HCRTR2: variants seen among roughly 807,000 people sequenced by gnomAD.
HCRTR2 encodes the protein orexin receptor type 2.
A neutral mutation model predicts 49.0 loss-of-function variants in HCRTR2; 22 were observed. That is an observed-to-expected ratio of 0.45 (90% CI 0.32 to 0.64). The LOEUF is 0.64. Ranked by LOEUF, HCRTR2 falls within the 30% of genes least tolerant of loss-of-function variation. HCRTR2 has a pLI of 0.04. For synonymous variants in HCRTR2, 236 were observed against 205.3 expected (o/e 1.15, Z -1.28); for missense variants, 491 against 559.4 (o/e 0.88, Z 1.23).
chr6:55,142,500 C>A (rs1047598858), intron 1 of HCRTR2, among the ~76,000 whole-genome samples: 3 of 151,884 alleles, frequency 2.0e-5, no homozygotes, highest in African/African-American at 7.3e-5. Flanking sequence ...AGCCACCGGG[C>A]CCGGCCTCAA....
chr6:55,139,592 G>A (rs1300159153), intron 1 of HCRTR2, among the ~76,000 whole-genome samples: 2 of 152,188 alleles, frequency 1.3e-5, no homozygotes, highest in Non-Finnish European at 2.9e-5. Flanking sequence ...AGTAAAATAT[G>A]ATAGTTATGC....
intron 1 of HCRTR2, among the ~76,000 whole-genome samples, chr6:55,181,264 T>C (rs1290022534): frequency 6.6e-6 from 1 of 152,194 alleles, no homozygotes; most frequent in Non-Finnish European, 1.5e-5. Flanking sequence ...ACATGACCCA[T>C]ATGACCAGTC....
At chr6:55,192,302 C>T (rs913067141) in intron 1 of HCRTR2, among the ~76,000 whole-genome samples, 3 of 151,980 alleles carry the variant, frequency 2.0e-5, no homozygotes, top group Non-Finnish European at 4.4e-5. Flanking sequence ...ATCTGTAATC[C>T]CAGTACTTTG....
At chr6:55,138,161 T>TA (rs112605089) in intron 1 of HCRTR2, among the ~76,000 whole-genome samples, 20 of 152,026 alleles carry the variant, frequency 1.3e-4, no homozygotes, top group Middle Eastern at 3.4e-3. Flanking sequence ...AAAAATAAAT[T>TA]AAAAAAAAGA....
chr6:55,203,991 C>T (rs1765556627), intron 1 of HCRTR2, among the ~76,000 whole-genome samples: 1 of 152,162 alleles, frequency 6.6e-6, no homozygotes, highest in Admixed American at 6.5e-5. Context: ...AAAATTGTCT[C>T]TAAGGGTGTA....
chr6:55,186,658 C>A (rs1439832013), intron 1 of HCRTR2, among the ~76,000 whole-genome samples: 1 of 152,188 alleles, frequency 6.6e-6, no homozygotes, highest in Non-Finnish European at 1.5e-5. Flanking sequence ...CTCTTAAACT[C>A]TTTTTGTTTC....
intron 1 of HCRTR2, among the ~76,000 whole-genome samples, chr6:55,109,215 A>G (rs927858563): frequency 6.6e-6 from 1 of 152,110 alleles, no homozygotes; most frequent in Non-Finnish European, 1.5e-5. Context: ...TCAAATAAAC[A>G]CATATTGGAC....
chr6:55,225,097 A>G (rs2127297500), intron 1 of HCRTR2, among the ~76,000 whole-genome samples: 1 of 152,328 alleles, frequency 6.6e-6, no homozygotes, highest in South Asian at 2.1e-4. Flanking sequence ...CTTTTAAAAC[A>G]TCATGTTGTA....
intron 1 of HCRTR2, among the ~76,000 whole-genome samples, chr6:55,196,492 T>C (rs528963005): frequency 6.6e-6 from 1 of 152,278 alleles, no homozygotes; most frequent in East Asian, 1.9e-4. Flanking sequence ...ACAAATCATC[T>C]ATGGCACGAG....
chr6:55,175,977 G>A (rs920581018), intron 1 of HCRTR2, among the ~76,000 whole-genome samples: 1 of 140,012 alleles, frequency 7.1e-6, no homozygotes, highest in African/African-American at 3.0e-5. Context: ...TATAAAAGAA[G>A]AAGAAGGTGA....
intron 1 of HCRTR2, among the ~76,000 whole-genome samples, chr6:55,128,506 T>C (rs115114903): frequency 0.033 from 4,953 of 152,306 alleles, 109 homozygotes; most frequent in Non-Finnish European, 0.045. Flanking sequence ...TATAAATTGC[T>C]TAGGGCAGTA....
intron 1 of HCRTR2, among the ~76,000 whole-genome samples, chr6:55,145,622 A>G (rs1278677547): frequency 1.3e-5 from 2 of 151,856 alleles, no homozygotes; most frequent in Non-Finnish European, 2.9e-5. Flanking sequence ...TCACCGTGTT[A>G]GCCAGGATGG....
chr6:55,113,012 A>G (rs1764070588), intron 1 of HCRTR2, among the ~76,000 whole-genome samples: 1 of 152,024 alleles, frequency 6.6e-6, no homozygotes, highest in African/African-American at 2.4e-5. Context: ...AAAGCAAACA[A>G]AAACATAAAA....
chr6:55,257,284 A>C (rs923455062), intron 3 of HCRTR2, among the ~76,000 whole-genome samples: 2 of 152,164 alleles, frequency 1.3e-5, no homozygotes, highest in South Asian at 4.1e-4. Context: ...ATCCTGTATT[A>C]AACTCGAGAC....
intron 1 of HCRTR2, among the ~76,000 whole-genome samples, chr6:55,112,442 A>T (rs1581778059): frequency 1.3e-5 from 2 of 151,862 alleles, no homozygotes. Context: ...TGAATTCAGT[A>T]AAGTTTCAGG....
At chr6:55,143,778 T>C (rs578056028) in intron 1 of HCRTR2, among the ~76,000 whole-genome samples, 2 of 152,302 alleles carry the variant, frequency 1.3e-5, no homozygotes, top group Admixed American at 6.5e-5. Flanking sequence ...TAGCACCATG[T>C]TCAGGATCAC....
chr6:55,282,129 G>C (rs1370755392), intron 6 of HCRTR2, 96 bp from the exon 7 acceptor site: 1 of 849,846 alleles, frequency 1.2e-6, no homozygotes, highest in African/African-American at 1.7e-5. Context: ...CTCATTGTTA[G>C]TTTGGCTCAA....
intron 1 of HCRTR2, among the ~76,000 whole-genome samples, chr6:55,114,362 T>C (rs80023132): frequency 0.033 from 5,025 of 151,876 alleles, 282 homozygotes; most frequent in African/African-American, 0.11. Flanking sequence ...AACAACTACC[T>C]ATGTGAGCTA....
At chr6:55,258,364 T>G (rs1179932830) in intron 3 of HCRTR2, among the ~76,000 whole-genome samples, 1 of 152,172 alleles carries the variant, frequency 6.6e-6, no homozygotes, top group Non-Finnish European at 1.5e-5. Context: ...TTTGGTCAGT[T>G]GATACATATC....
Sources: gnomAD v4.1 joint callset for allele counts (sites outside exome capture counted in the v4.1 genomes callset) on GRCh38, gnomAD v4.1.1 for gene constraint, MANE v1.5 for transcripts, NCBI Gene and HGNC (gene_info 2026-07-23, HGNC 2026-07-21) for gene names.